Variants in DISC1 observed in about 807,000 individuals in gnomAD.
DISC1 encodes DISC1 scaffold protein.
In DISC1, 57 loss-of-function variants were observed where a neutral mutation model predicts 84.5. The observed-to-expected ratio is 0.67, with a 90% CI of 0.55 to 0.84. DISC1 has a LOEUF of 0.84. DISC1 is among the 40% of genes least tolerant of loss of function. The pLI is 0.00. For missense variants in DISC1, 1,000 were observed against 1,057.8 expected (o/e 0.95, Z 0.76); for synonymous variants, 411 against 415.2 (o/e 0.99, Z 0.12).
chr1:231,648,526 G>A (rs1216063963), intron 1 of DISC1, among the ~76,000 whole-genome samples: 3 of 152,032 alleles, frequency 2.0e-5, no homozygotes, highest in African/African-American at 7.2e-5. Flanking sequence ...TCTCTTTTTT[G>A]TTGTGTCTCT....
At chr1:231,976,456 A>T (rs138210030) in intron 10 of DISC1, among the ~76,000 whole-genome samples, 2,037 of 152,286 alleles carry the variant, frequency 0.013, 24 homozygotes, top group Middle Eastern at 0.037. Flanking sequence ...TCAGAGGATG[A>T]TGTCACTTTG....
chr1:232,002,594 AGCAC>A (rs1283165300), intron 10 of DISC1, among the ~76,000 whole-genome samples: 75 of 114,312 alleles, frequency 6.6e-4, no homozygotes, highest in African/African-American at 2.3e-3. Flanking sequence ...AATTATGCTG[AGCAC>A]ACACACACAC....
intron 9 of DISC1, among the ~76,000 whole-genome samples, chr1:231,874,187 C>G (rs941888562): frequency 1.3e-5 from 2 of 151,526 alleles, no homozygotes; most frequent in Non-Finnish European, 1.5e-5. Flanking sequence ...GAGAAAAAGT[C>G]TCACTCTGTC....
intron 9 of DISC1, among the ~76,000 whole-genome samples, chr1:231,868,693 TATATATATATATATATATA>T (rs1162445963): frequency 3.0e-3 from 2 of 658 alleles, no homozygotes; most frequent in Non-Finnish European, 4.9e-3. Context: ...CCCCATCTCT[TATATATATATATATATATA>T]TATATATATA....
intron 8 of DISC1, among the ~76,000 whole-genome samples, chr1:231,800,888 C>G (rs2079177736): frequency 6.6e-6 from 1 of 151,202 alleles, no homozygotes; most frequent in Non-Finnish European, 1.5e-5. Context: ...AGTGGCAGAT[C>G]TGGGGCTAAA....
chr1:231,761,977 G>A (rs954303228), intron 4 of DISC1, among the ~76,000 whole-genome samples: 3 of 152,108 alleles, frequency 2.0e-5, no homozygotes, highest in African/African-American at 4.8e-5. Context: ...GAGGAAGTGC[G>A]TTTCGTTCCC....
intron 1 of DISC1, among the ~76,000 whole-genome samples, chr1:231,640,341 A>G (rs1379517762): frequency 2.0e-5 from 3 of 152,180 alleles, no homozygotes; most frequent in African/African-American, 4.8e-5. Flanking sequence ...ACAGATGAAC[A>G]TAAGAGTGTC....
At chr1:231,882,284 G>A (rs2086342592) in intron 9 of DISC1, among the ~76,000 whole-genome samples, 1 of 152,114 alleles carries the variant, frequency 6.6e-6, no homozygotes, top group Non-Finnish European at 1.5e-5. Flanking sequence ...GAAACGGCCA[G>A]GTAAAGAAGC....
In DISC1 at chr1:231,910,365, G is replaced by T. The variant is rs868048653; in HGVS notation, c.1982-48463G>T. 2.2e-4 allele frequency among the ~76,000 whole-genome samples: 33 copies of T among 152,104 alleles called. 1 individual carries two copies. Among genetic ancestry groups the T allele is most frequent in the South Asian group, 4.2e-4 (2 of 4,814 alleles). On this transcript the variant is annotated intron_variant, in intron 9 of 12. Coordinates refer to ENST00000439617, the MANE Select transcript of DISC1 (RefSeq NM_018662.3). ...CTTTAAATGTGTCCCAGAGATTCTG[G>T]TATGTTGTGTCTTTGTTGTCATTGG...
intron 1 of DISC1, among the ~76,000 whole-genome samples, chr1:231,672,223 T>C (rs1331426031): frequency 6.6e-6 from 1 of 152,238 alleles, no homozygotes; most frequent in Non-Finnish European, 1.5e-5. Flanking sequence ...CAAGGTCTAT[T>C]GAGTATATTT....
intron 9 of DISC1, among the ~76,000 whole-genome samples, chr1:231,822,347 G>A (rs1454152873): frequency 6.6e-6 from 1 of 152,110 alleles, no homozygotes; most frequent in East Asian, 1.9e-4. Flanking sequence ...GCTAAGTGAA[G>A]GGATTCTAAG....
intron 4 of DISC1, among the ~76,000 whole-genome samples, chr1:231,766,761 G>A (rs774909889): frequency 6.6e-6 from 1 of 152,062 alleles, no homozygotes; most frequent in South Asian, 2.1e-4. Flanking sequence ...AACATATAAT[G>A]AACTTAAAAA....
intron 9 of DISC1, among the ~76,000 whole-genome samples, chr1:231,912,791 T>TTCTTTCTC (rs2089334500): frequency 7.0e-6 from 1 of 142,440 alleles, no homozygotes; most frequent in Admixed American, 6.9e-5. Flanking sequence ...CTTTCTTTCT[T>TTCTTTCTC]TCTTTCTTTC....
chr1:231,863,455 T>C (rs1004848952), intron 9 of DISC1, among the ~76,000 whole-genome samples: 13 of 152,126 alleles, frequency 8.5e-5, no homozygotes, highest in Admixed American at 7.2e-4. Flanking sequence ...GGTCTTGAAC[T>C]CCTGGCCTCA....
At chr1:231,814,970 T>C (rs2080771091) in intron 8 of DISC1, 1 of 147,138 alleles carries the variant, frequency 6.8e-6, no homozygotes, top group African/African-American at 2.5e-5. Context: ...ATAATAATAA[T>C]AATAATAATA....
intron 1 of DISC1, among the ~76,000 whole-genome samples, chr1:231,687,022 C>G (rs1227232182): frequency 6.6e-6 from 1 of 152,188 alleles, no homozygotes; most frequent in Non-Finnish European, 1.5e-5. Flanking sequence ...CTGAGACCAC[C>G]TCAGCCTGGA....
intron 8 of DISC1, among the ~76,000 whole-genome samples, chr1:231,804,460 CT>C (rs559499171): frequency 0.012 from 1,638 of 139,804 alleles, 15 homozygotes; most frequent in African/African-American, 0.027. Flanking sequence ...ATCCCCCTTC[CT>C]TTTTTTTTTT....
chr1:231,960,572 A>G (rs1660254677), intron 10 of DISC1, among the ~76,000 whole-genome samples: 1 of 152,198 alleles, frequency 6.6e-6, no homozygotes. Context: ...TTATATCATT[A>G]GAACTGATTG....
chr1:231,707,958 G>T (rs1304753579), intron 3 of DISC1, among the ~76,000 whole-genome samples: 1 of 152,196 alleles, frequency 6.6e-6, no homozygotes, highest in East Asian at 1.9e-4. Flanking sequence ...TGTGGGGAAA[G>T]GATTTAGTGA....
Sources: allele counts gnomAD v4.1 joint callset (sites outside exome capture counted in the v4.1 genomes callset), GRCh38; gene constraint gnomAD v4.1.1; transcripts MANE v1.5; gene names NCBI Gene and HGNC (gene_info 2026-07-23, HGNC 2026-07-21).